The following ADAMTS19 variants were observed in gnomAD, a reference collection of about 807,000 sequenced individuals.
ADAMTS19 encodes ADAM metallopeptidase with thrombospondin type 1 motif 19, also known as A disintegrin and metalloproteinase with thrombospondin motifs 19.
In ADAMTS19, 93 loss-of-function variants were observed where a neutral mutation model predicts 153.3. The ratio of observed to expected loss-of-function variants is 0.61; its 90% CI spans 0.51 to 0.72. The LOEUF (loss-of-function observed/expected upper bound fraction) is 0.72. Ranked by LOEUF, ADAMTS19 falls within the 30% of genes least tolerant of loss-of-function variation. The pLI is 0.00. For synonymous variants in ADAMTS19, 600 were observed against 556.6 expected, an observed-to-expected ratio of 1.08 and a Z score of -1.10; for missense variants, 1,482 against 1,552.1, an observed-to-expected ratio of 0.95 and a Z score of 0.76.
At chr5:129,492,645 C>T (rs1336961260) in intron 2 of ADAMTS19, among the ~76,000 whole-genome samples, 1 of 151,794 alleles carries the variant, frequency 6.6e-6, no homozygotes, top group Non-Finnish European at 1.5e-5. Flanking sequence ...GTTTTCATTA[C>T]CTATAATCAC....
chr5:129,606,660 T>G (rs1287948029), intron 8 of ADAMTS19, among the ~76,000 whole-genome samples: 1 of 152,226 alleles, frequency 6.6e-6, no homozygotes, highest in East Asian at 1.9e-4. Flanking sequence ...AGCCTGAGAT[T>G]CATGACTTCT....
chr5:129,685,472 TAAA>T (rs894740397), intron 18 of ADAMTS19, among the ~76,000 whole-genome samples: 2 of 152,014 alleles, frequency 1.3e-5, no homozygotes, highest in African/African-American at 4.8e-5. Flanking sequence ...TTGCAATAAA[TAAA>T]AAATAATGTA....
chr5:129,646,596 A>G (rs1027260350), intron 11 of ADAMTS19, among the ~76,000 whole-genome samples: 13 of 152,188 alleles, frequency 8.5e-5, no homozygotes, highest in Admixed American at 8.5e-4. Flanking sequence ...GTTAGCCCTT[A>G]TTAAATCCTT....
intron 3 of ADAMTS19, among the ~76,000 whole-genome samples, chr5:129,515,006 T>C (rs192046054): frequency 6.6e-6 from 1 of 152,264 alleles, no homozygotes; most frequent in African/African-American, 2.4e-5. Context: ...CTTTTGCAAA[T>C]GGATATTCAG....
chr5:129,534,907 T>C (rs1752357169), intron 6 of ADAMTS19, among the ~76,000 whole-genome samples: 2 of 152,218 alleles, frequency 1.3e-5, no homozygotes, highest in Admixed American at 1.3e-4. Context: ...AAATTAGCTA[T>C]TGATGGGGCG....
At chr5:129,654,495 CA>C (rs1753458528) in intron 14 of ADAMTS19, 62 bp downstream of exon 14, 1 of 1,538,440 alleles carries the variant, frequency 6.5e-7, no homozygotes, top group African/African-American at 1.4e-5. Flanking sequence ...GACCACTGAG[CA>C]GCTTCACAGC....
At chr5:129,583,809 C>G (rs940034992) in intron 7 of ADAMTS19, among the ~76,000 whole-genome samples, 1 of 151,848 alleles carries the variant, frequency 6.6e-6, no homozygotes, top group Non-Finnish European at 1.5e-5. Flanking sequence ...TTAGCAATTC[C>G]GCTAACCATT....
chr5:129,568,835 TA>T (rs1172439673), intron 7 of ADAMTS19, among the ~76,000 whole-genome samples: 1 of 151,084 alleles, frequency 6.6e-6, no homozygotes, highest in African/African-American at 2.4e-5. Context: ...AATAAATAAA[TA>T]ATTAAACAAA....
At position 129,501,145 on chromosome 5, in the gene ADAMTS19, C is replaced by T. The variant is rs545775116; in HGVS notation, c.748-7932C>T. ...TAAACCATATTTTTATGTTCCACTACGTTTAAATTCTGGTTGTATGATCAG... is the reference window on the plus strand; with the variant it reads ...TAAACCATATTTTTATGTTCCACTATGTTTAAATTCTGGTTGTATGATCAG... On this transcript the variant is annotated intron_variant, in intron 2 of 22. Transcript: ENST00000274487. 5.5e-4 allele frequency among the ~76,000 whole-genome samples: 84 copies of T among 151,878 alleles called. 3 individuals carry two copies. In the South Asian group the frequency reaches 0.017, roughly 31 times the overall value.
At chr5:129,541,733 T>C (rs1323034209) in intron 6 of ADAMTS19, among the ~76,000 whole-genome samples, 3 of 152,026 alleles carry the variant, frequency 2.0e-5, no homozygotes, top group Non-Finnish European at 4.4e-5. Flanking sequence ...CCTTATTTAG[T>C]ACATGGCATA....
chr5:129,717,942 A>C (rs973856133), intron 21 of ADAMTS19, among the ~76,000 whole-genome samples: 2 of 152,194 alleles, frequency 1.3e-5, no homozygotes, highest in African/African-American at 4.8e-5. Flanking sequence ...TTATTTGAAA[A>C]GGAAATTTAA....
At chr5:129,697,717 G>A (rs887122530) in intron 19 of ADAMTS19, among the ~76,000 whole-genome samples, 2 of 152,232 alleles carry the variant, frequency 1.3e-5, no homozygotes, top group Non-Finnish European at 2.9e-5. Flanking sequence ...ACATAAAGTA[G>A]CATTTTTGGC....
chr5:129,517,646 C>G (rs1751657938), intron 3 of ADAMTS19, among the ~76,000 whole-genome samples: 1 of 151,796 alleles, frequency 6.6e-6, no homozygotes, highest in African/African-American at 2.4e-5. Context: ...TATCTCTTTC[C>G]ATTATTTTAT....
At chr5:129,731,282 A>G (rs1221180430) in intron 21 of ADAMTS19, among the ~76,000 whole-genome samples, 4 of 152,132 alleles carry the variant, frequency 2.6e-5, no homozygotes, top group African/African-American at 9.7e-5. Flanking sequence ...GTAAAAAGAC[A>G]TGGCATTTAG....
At chr5:129,600,497 T>C (rs2126928557) in intron 8 of ADAMTS19, among the ~76,000 whole-genome samples, 1 of 152,146 alleles carries the variant, frequency 6.6e-6, no homozygotes, top group East Asian at 1.9e-4. Context: ...TATAAACAGA[T>C]TTTAAATGAA....
At chr5:129,513,270 G>T (rs530395393) in intron 3 of ADAMTS19, among the ~76,000 whole-genome samples, 2 of 151,450 alleles carry the variant, frequency 1.3e-5, no homozygotes, top group South Asian at 4.2e-4. Context: ...GTTTACTCAT[G>T]ATGCTGTCTA....
intron 7 of ADAMTS19, among the ~76,000 whole-genome samples, chr5:129,568,739 T>C (rs188837804): frequency 2.0e-5 from 3 of 152,218 alleles, no homozygotes; most frequent in Admixed American, 1.3e-4. Context: ...GAAGAATCAC[T>C]TGAACCCAGG....
In ADAMTS19 at chr5:129,467,605, A is replaced by T. The variant is rs545044817; in HGVS notation, c.747+5848A>T. Among the ~76,000 whole-genome samples the T allele has an allele frequency of 2.0e-5, 3 of 152,322 alleles. No homozygotes were observed. The East Asian group carries it at 5.8e-4, about 29-fold the overall frequency. On this transcript the variant is annotated intron_variant, in intron 2 of 22. Transcript: ENST00000274487. ...GGGATGTGTGTCAGATTGACTTTAG[A>T]GGATTGAATCAGTAATACTGGGTGC...
intron 7 of ADAMTS19, among the ~76,000 whole-genome samples, chr5:129,572,431 A>C (rs1753943162): frequency 6.6e-6 from 1 of 152,088 alleles, no homozygotes; most frequent in Admixed American, 6.6e-5. Context: ...ATTTACTTCA[A>C]AAAAACGAAA....
Sources: allele counts gnomAD v4.1 joint callset (sites outside exome capture counted in the v4.1 genomes callset), GRCh38; gene constraint gnomAD v4.1.1; transcripts MANE v1.5; gene names NCBI Gene and HGNC (gene_info 2026-07-23, HGNC 2026-07-21).